The following TNS1 variants were observed in gnomAD, a reference collection of about 807,000 sequenced individuals.
TNS1 encodes tensin-1.
TNS1 carries 62 observed loss-of-function variants against 168.6 expected under a neutral mutation model. The observed-to-expected ratio is 0.37, with a 90% confidence interval of 0.30 to 0.45. The LOEUF (loss-of-function observed/expected upper bound fraction) is 0.45. TNS1 is among the 20% of genes least tolerant of loss of function. The probability of loss-of-function intolerance (pLI) is 1.00; values close to 1 mark genes in which losing one functional copy is unlikely to be tolerated. For synonymous variants in TNS1, 934 were observed against 933.2 expected, an observed-to-expected ratio of 1.00 and a Z score of -0.02; for missense variants, 2,240 against 2,339.4, an observed-to-expected ratio of 0.96 and a Z score of 0.88.
chr2:217,990,821 C>T, intron 2 of TNS1, 121 bp downstream of exon 2: 1 of 315,110 alleles, frequency 3.2e-6, no homozygotes. Context: ...CAGATGAGAA[C>T]AAGGCGTCAG....
intron 3 of TNS1, among the ~76,000 whole-genome samples, chr2:217,966,300 T>TGC (rs1185800680): frequency 7.0e-6 from 1 of 142,156 alleles, no homozygotes; most frequent in Admixed American, 6.7e-5. Context: ...TGTGTGTGTG[T>TGC]GTGTGTGTGC....
In TNS1 at chr2:217,986,554, C is replaced by T. The variant is rs1057275458; in HGVS notation, c.148+4388G>A. Among the ~76,000 whole-genome samples the T allele has an allele frequency of 6.6e-6, 1 of 152,184 alleles. No homozygotes were observed. The highest frequency in any genetic ancestry group is 2.4e-5 in the African/African-American group (1 of 41,442). On this transcript the variant is annotated intron_variant, in intron 2 of 32. Transcript: ENST00000682258. This position sits in a 1 kb window ranked among gnomAD's most constrained non-coding sequence, Gnocchi z 4.7. Reference sequence around the variant, plus strand: ...CAAAGCTCTGAGTCCACATAGCCTCCCTCTGGGGCCTCCTGTGCACATGGA... The same window carrying T: ...CAAAGCTCTGAGTCCACATAGCCTCTCTCTGGGGCCTCCTGTGCACATGGA...
At chr2:218,011,443 G>C (rs1365967907), upstream of TNS1, among the ~76,000 whole-genome samples, 3 of 152,162 alleles carry the variant, frequency 2.0e-5, no homozygotes, top group Non-Finnish European at 4.4e-5. Flanking sequence ...AGCCGGGAGA[G>C]AAGAGGGGCG....
At chr2:217,913,948 G>A (rs554704987) in intron 4 of TNS1, among the ~76,000 whole-genome samples, 14 of 151,936 alleles carry the variant, frequency 9.2e-5, no homozygotes, top group East Asian at 3.9e-4. Context: ...CTCTCTTCCC[G>A]CCAGCAAGAG....
chr2:217,893,707 T>C, intron 9 of TNS1, 146 bp from the exon 10 acceptor site: 1 of 1,200,618 alleles, frequency 8.3e-7, no homozygotes, highest in Admixed American at 2.4e-5. Flanking sequence ...CCCTGCCCAC[T>C]GGCCAGCGAG....
chr2:217,812,420 C>T lies in TNS1; in HGVS notation c.4980G>A (p.Gln1660=), dbSNP rs1941089500. The change falls in exon 28 of 33, where the codon CAG becomes CAA. Residue 1660 remains glutamine, a synonymous_variant. Transcript: ENST00000682258. The part of the protein sequence containing the change: ...NFGSLSALVY[Q]HSIIPLALPC... ...GCAGGGCCAATGGGATGATGGAGTG[C>T]TGGTAGACCAGGGCAGACAGCGATC... is the stretch of plus-strand genomic sequence containing the variant. 1.2e-6 allele frequency: 2 copies of T among 1,613,980 alleles called. No homozygotes were observed. Among genetic ancestry groups the T allele is most frequent in the African/African-American group, 1.3e-5 (1 of 74,890 alleles).
chr2:217,980,078 G>A (rs1353358900), intron 2 of TNS1, among the ~76,000 whole-genome samples: 2 of 152,122 alleles, frequency 1.3e-5, no homozygotes, highest in Non-Finnish European at 2.9e-5. Context: ...GGAGAAGCTG[G>A]GAAGCACACT....
intron 18 of TNS1, chr2:217,859,489 G>A: frequency 1.5e-6 from 1 of 670,188 alleles, no homozygotes; most frequent in Non-Finnish European, 2.7e-6. Flanking sequence ...TGAATAGAAG[G>A]ACTGGGGTGT....
rs1946869059 is a variant in TNS1 at position 217,847,805 on chromosome 2, G to T, written c.2712C>A (p.Ala904=). 14 of 1,601,714 alleles carry T rather than the reference G, an allele frequency of 8.7e-6. No homozygotes were observed. Among genetic ancestry groups the T allele is most frequent in the South Asian group, 2.2e-5 (2 of 90,754 alleles). The stretch of plus-strand genomic sequence containing the variant: ...GGACAGACTCCAGAGAGGCCCGTGG[G>T]GCTGGCTCAGGGGTTCCCAACGAAT... ...SGHSLGTPEP[A]PRASLESVPP... is the part of the protein sequence containing the mutation. Residue 904 remains alanine, a synonymous_variant, in exon 19 of 33, where the codon GCC becomes GCA. Transcript: ENST00000682258.
chr2:217,990,838 A>G, intron 2 of TNS1, 104 bp downstream of exon 2: 2 of 289,442 alleles, frequency 6.9e-6, no homozygotes, highest in Non-Finnish European at 6.6e-6. Flanking sequence ...TCAGGTTGGG[A>G]CCCCAAGGAT....
At chr2:217,967,658 G>A (rs1433406476) in intron 3 of TNS1, among the ~76,000 whole-genome samples, 1 of 152,088 alleles carries the variant, frequency 6.6e-6, no homozygotes, top group African/African-American at 2.4e-5. Context: ...TAAAGAAATT[G>A]AACTGGCAAT....
In TNS1 at chr2:217,932,282, T is replaced by C. The variant is rs1956364065; in HGVS notation, c.187-12046A>G. Reference sequence around the variant, plus strand: ...AAAAACCTGGACTGGGAGTCAGGCATGGGCTCAAATGCCAGTTTTGCTACA... The same window carrying C: ...AAAAACCTGGACTGGGAGTCAGGCACGGGCTCAAATGCCAGTTTTGCTACA... On this transcript the variant is annotated intron_variant, in intron 3 of 32. Transcript: ENST00000682258. 2.0e-5 allele frequency among the ~76,000 whole-genome samples: 3 copies of C among 152,206 alleles called. 1 individual carries two copies. In the South Asian group the frequency reaches 6.2e-4, roughly 32 times the overall value.
intron 3 of TNS1, among the ~76,000 whole-genome samples, chr2:217,922,875 C>T (rs573526503): frequency 6.8e-4 from 104 of 152,380 alleles, no homozygotes; most frequent in Non-Finnish European, 1.3e-3. Flanking sequence ...GCCGTGCATT[C>T]CAGGCCCACT....
Position 217,961,252 on chromosome 2 carries a change from C to CAGAGAG in TNS1, c.186+17512_186+17513insCTCTCT, listed in dbSNP as rs778105340. Among the ~76,000 whole-genome samples, 401 of 141,530 alleles carry CAGAGAG rather than the reference C, an allele frequency of 2.8e-3. 5 individuals are homozygous for CAGAGAG. The highest frequency in any genetic ancestry group is 8.9e-3 in the African/African-American group (332 of 37,376). 92.8% of individuals were successfully genotyped at this position (141,530 alleles called of 152,430 possible). On this transcript the variant is annotated intron_variant, in intron 3 of 32. Coordinates refer to ENST00000682258, the MANE Select transcript of TNS1 (RefSeq NM_001387777.1). ...TCTCTCTCTCACACACACACACACA[C>CAGAGAG]ACACACACAGAGAGAGAGAGAGAGA...
intron 22 of TNS1, 60 bp downstream of exon 22, chr2:217,831,395 G>T: frequency 7.0e-7 from 1 of 1,433,394 alleles, no homozygotes; most frequent in Non-Finnish European, 9.4e-7. Context: ...TTTCTGTCCA[G>T]AACCACAGGA....
rs575704759 is a variant in TNS1 at position 217,939,357 on chromosome 2, C to T, written c.187-19121G>A. ...CACCAGGCCTCATCAAAACCCTCAC[C>T]CCTCTGCCCTCCATTAGCCAGCCAT... On this transcript the variant is annotated intron_variant, in intron 3 of 32. Transcript: ENST00000682258. 2.0e-5 allele frequency among the ~76,000 whole-genome samples: 3 copies of T among 152,330 alleles called. No individual in the cohort carries two copies. In the East Asian group the frequency reaches 5.8e-4, roughly 29 times the overall value.
chr2:217,893,617 C>A, intron 9 of TNS1, 56 bp from the exon 10 acceptor site: 1 of 1,543,314 alleles, frequency 6.5e-7, no homozygotes, highest in Non-Finnish European at 8.8e-7. Context: ...GCCAAACAAG[C>A]CAGCGGGAGC....
At chr2:217,978,716 C>G (rs1261916863) in intron 3 of TNS1, 49 bp downstream of exon 3, 1 of 699,094 alleles carries the variant, frequency 1.4e-6, no homozygotes, top group Non-Finnish European at 2.6e-6. Flanking sequence ...GGACCCCGAG[C>G]CAGGCCTGTC....
intron 3 of TNS1, among the ~76,000 whole-genome samples, chr2:217,945,437 C>G (rs1284393750): frequency 1.3e-5 from 2 of 152,078 alleles, no homozygotes; most frequent in Non-Finnish European, 2.9e-5. Flanking sequence ...ACAATGAAAC[C>G]CTTGGGGATA....
Sources: gnomAD v4.1 joint callset for allele counts (sites outside exome capture counted in the v4.1 genomes callset) on GRCh38, gnomAD v4.1.1 for gene constraint, Gnocchi (gnomAD v3.1) non-coding constraint, MANE v1.5 for transcripts, NCBI Gene and HGNC (gene_info 2026-07-23, HGNC 2026-07-21) for gene names.